The following CDH12 variants were observed in gnomAD, a reference collection of about 807,000 sequenced individuals.
CDH12 encodes the protein cadherin 12, also known as cadherin-12.
CDH12 carries 41 observed loss-of-function variants against 74.1 expected under a neutral mutation model. The observed-to-expected ratio is 0.55, with a 90% CI of 0.43 to 0.72. The LOEUF is 0.72. CDH12 is among the 30% of genes least tolerant of loss of function. The pLI, the probability that CDH12 is intolerant of heterozygous loss-of-function variation, is 0.00. For missense variants in CDH12, 945 were observed against 977.2 expected (o/e 0.97, Z 0.44); for synonymous variants, 399 against 355.0 (o/e 1.12, Z -1.39).
chr5:22,420,991 G>A (rs1743627615), intron 2 of CDH12, among the ~76,000 whole-genome samples: 2 of 152,098 alleles, frequency 1.3e-5, no homozygotes, highest in South Asian at 4.1e-4. Context: ...CTCTCTGCTT[G>A]TCTATTGTTG....
At chr5:21,771,541 AGTT>A (rs990207862) in intron 11 of CDH12, among the ~76,000 whole-genome samples, 11 of 152,132 alleles carry the variant, frequency 7.2e-5, no homozygotes, top group Non-Finnish European at 1.3e-4. Flanking sequence ...GAGAGTGTTA[AGTT>A]ATTATTTAAG....
rs1447907645 is a variant in CDH12 at position 21,854,972 on chromosome 5, G to C, written c.527-182C>G. Among the ~76,000 whole-genome samples the C allele has an allele frequency of 2.0e-5, 3 of 151,748 alleles. No homozygotes were observed. The East Asian group carries it at 5.8e-4, about 29-fold the overall frequency. ...AAAATGTTGAGCAATGATATAGTTA[G>C]TGCAAATCATAAGTTTAAATACGCA... On this transcript the variant is annotated intron_variant, in intron 6 of 14. Transcript: ENST00000382254.
intron 1 of CDH12, among the ~76,000 whole-genome samples, chr5:22,837,618 C>A (rs1736889906): frequency 6.6e-6 from 1 of 152,120 alleles, no homozygotes; most frequent in Non-Finnish European, 1.5e-5. Flanking sequence ...AGGATCACAT[C>A]ATACTTTTCA....
chr5:22,434,715 A>T (rs540150180), intron 2 of CDH12, among the ~76,000 whole-genome samples: 43 of 152,068 alleles, frequency 2.8e-4, no homozygotes, highest in African/African-American at 9.9e-4. Context: ...TCCCAATTCC[A>T]TTGTCCATTT....
At chr5:21,991,964 T>C (rs1255570897) in intron 5 of CDH12, among the ~76,000 whole-genome samples, 1 of 152,082 alleles carries the variant, frequency 6.6e-6, no homozygotes, top group Non-Finnish European at 1.5e-5. Context: ...ATATTTATTT[T>C]CTGCCCCATA....
chr5:21,868,980 T>C (rs897188899), intron 6 of CDH12, among the ~76,000 whole-genome samples: 1 of 152,174 alleles, frequency 6.6e-6, no homozygotes, highest in African/African-American at 2.4e-5. Context: ...TCCTGCAACT[T>C]TGTGCTCTGC....
chr5:22,003,382 C>T (rs981782837), intron 5 of CDH12, among the ~76,000 whole-genome samples: 21 of 152,092 alleles, frequency 1.4e-4, no homozygotes, highest in Non-Finnish European at 2.6e-4. Flanking sequence ...TAAAAGCCAA[C>T]CATTACAATC....
chr5:22,028,346 G>T (rs1738534993), intron 5 of CDH12, among the ~76,000 whole-genome samples: 1 of 152,046 alleles, frequency 6.6e-6, no homozygotes, highest in Non-Finnish European at 1.5e-5. Context: ...TGACATGATT[G>T]TATATCTAGA....
intron 1 of CDH12, among the ~76,000 whole-genome samples, chr5:22,713,132 CTTTTTTTTTTT>C (rs70959753): frequency 1.6e-5 from 1 of 61,160 alleles, no homozygotes; most frequent in African/African-American, 6.2e-5. Flanking sequence ...TATGCTAATT[CTTTTTTTTTTT>C]TTTTTTTTTT....
chr5:22,136,544 A>G (rs1746470955), intron 4 of CDH12, among the ~76,000 whole-genome samples: 1 of 151,490 alleles, frequency 6.6e-6, no homozygotes, highest in African/African-American at 2.4e-5. Flanking sequence ...TACCATTATG[A>G]AGAAGAACTT....
chr5:21,926,167 G>A (rs1377265295), intron 6 of CDH12, among the ~76,000 whole-genome samples: 3 of 151,960 alleles, frequency 2.0e-5, no homozygotes, highest in African/African-American at 7.3e-5. Context: ...ATAGGTTTTC[G>A]GGCAGACCAT....
At chr5:22,578,386 T>G (rs1370903683) in intron 1 of CDH12, among the ~76,000 whole-genome samples, 30 of 145,686 alleles carry the variant, frequency 2.1e-4, no homozygotes, top group Non-Finnish European at 2.7e-4. Flanking sequence ...TTTGTGTGTG[T>G]GGGGGGGGGG....
At chr5:22,144,018 A>G (rs1382172813) in intron 4 of CDH12, 1 of 151,932 alleles carries the variant, frequency 6.6e-6, no homozygotes, top group African/African-American at 2.4e-5. Context: ...CAGAATGTTT[A>G]TTGACGTACT....
intron 11 of CDH12, among the ~76,000 whole-genome samples, chr5:21,782,693 C>A (rs1745980871): frequency 6.6e-6 from 1 of 152,142 alleles, no homozygotes; most frequent in Non-Finnish European, 1.5e-5. Flanking sequence ...ACCACTTTCA[C>A]CCTGATCCAT....
At chr5:22,768,969 C>T (rs1746665646) in intron 1 of CDH12, among the ~76,000 whole-genome samples, 1 of 152,048 alleles carries the variant, frequency 6.6e-6, no homozygotes, top group Admixed American at 6.6e-5. Flanking sequence ...AGAATTATAT[C>T]CTCTCTTCGC....
At chr5:21,821,945 A>T (rs188454127) in intron 8 of CDH12, among the ~76,000 whole-genome samples, 1 of 152,058 alleles carries the variant, frequency 6.6e-6, no homozygotes, top group African/African-American at 2.4e-5. Flanking sequence ...ACACAAAATT[A>T]TTTCACCTTA....
chr5:22,766,116 T>A (rs904633799), intron 1 of CDH12, among the ~76,000 whole-genome samples: 1 of 151,988 alleles, frequency 6.6e-6, no homozygotes, highest in Non-Finnish European at 1.5e-5. Flanking sequence ...ATCATCTGAT[T>A]TTCAACTATT....
chr5:22,558,670 A>G (rs1406527263), intron 1 of CDH12, among the ~76,000 whole-genome samples: 2 of 152,082 alleles, frequency 1.3e-5, no homozygotes, highest in Non-Finnish European at 2.9e-5. Context: ...CATAAAACTT[A>G]AGGAAATGGT....
At chr5:22,180,670 G>C (rs1408357852) in intron 4 of CDH12, among the ~76,000 whole-genome samples, 1 of 151,838 alleles carries the variant, frequency 6.6e-6, no homozygotes, top group Non-Finnish European at 1.5e-5. Context: ...GCACCACAAT[G>C]CCTGGCTAAC....
Sources: allele counts gnomAD v4.1 joint callset (sites outside exome capture counted in the v4.1 genomes callset), GRCh38; gene constraint gnomAD v4.1.1; transcripts MANE v1.5; gene names NCBI Gene and HGNC (gene_info 2026-07-23, HGNC 2026-07-21).